Variants in PRAG1 observed in about 807,000 individuals in gnomAD.
PRAG1 encodes inactive tyrosine-protein kinase PRAG1.
A neutral mutation model predicts 95.6 loss-of-function variants in PRAG1; 110 were observed. That is an observed-to-expected ratio of 1.15 (90% confidence interval 0.99 to 1.35). The LOEUF is 1.35. PRAG1 is among the 40% of genes most tolerant of loss of function. The pLI is 0.00. For synonymous variants in PRAG1, 1,052 were observed against 819.4 expected (o/e 1.28, Z -4.85); for missense variants, 2,554 against 1,864.7 (o/e 1.37, Z -6.81).
At chr8:8,335,090 T>C (rs552262576) in intron 4 of PRAG1, among the ~76,000 whole-genome samples, 1 of 151,962 alleles carries the variant, frequency 6.6e-6, no homozygotes, top group African/African-American at 2.4e-5. Context: ...ACTTTTCAGA[T>C]GCTGTGATGG....
Position 8,327,594 on chromosome 8 carries a change from G to A in PRAG1, c.3072+116C>T, listed in dbSNP as rs1798671461. 4 of 1,185,490 alleles carry A rather than the reference G, an allele frequency of 3.4e-6. No homozygotes were observed. The South Asian group carries it at 6.9e-5, about 20-fold the overall frequency. The allele number at this position is 1,185,490 out of a possible 1,614,324, so 73.4% of individuals were successfully genotyped here. ...TTACAAGAAAAAAAAGAATGCTTAGGAATCAACTCCCCTCCTAATGCCCAG... is the reference window on the plus strand; with the variant it reads ...TTACAAGAAAAAAAAGAATGCTTAGAAATCAACTCCCCTCCTAATGCCCAG... On this transcript the variant is annotated intron_variant, in intron 5 of 5. Transcript: ENST00000615670.
intron 3 of PRAG1, among the ~76,000 whole-genome samples, chr8:8,356,927 G>A (rs1044554157): frequency 3.9e-5 from 6 of 152,132 alleles, no homozygotes; most frequent in African/African-American, 9.7e-5. Flanking sequence ...ACCATTCAAC[G>A]TGGAAATGAC....
chr8:8,362,769 T>A (rs2116895124), intron 3 of PRAG1, among the ~76,000 whole-genome samples: 1 of 152,330 alleles, frequency 6.6e-6, no homozygotes, highest in Admixed American at 6.5e-5. Flanking sequence ...ATTTATCCCT[T>A]ACATGTAAAG....
chr8:8,344,873 A>T (rs1307864627), intron 3 of PRAG1, among the ~76,000 whole-genome samples: 1 of 152,108 alleles, frequency 6.6e-6, no homozygotes, highest in East Asian at 1.9e-4. Context: ...ACCACAGAGC[A>T]CCCCTGTGGC....
In PRAG1 at chr8:8,381,440, T is replaced by C. The variant is rs374661279; in HGVS notation, c.308A>G (p.Asn103Ser). The change falls in exon 2 of 6, where the codon AAC becomes AGC. Residue 103 changes from asparagine (N) to serine (S), a missense_variant. Asn to Ser is a conservative substitution (Grantham distance 46). Transcript: ENST00000615670. ...CACCTGCGAGACTTCGGCACTCAGG[T>C]TGGCCTCTGTCCACACATCAGAGGC... Reference protein sequence around the residue: ...SEASDVWTEANLSAEVSQVIW... With the variant: ...SEASDVWTEASLSAEVSQVIW... 6.8e-6 allele frequency: 11 copies of C among 1,610,112 alleles called. No homozygotes were observed. The highest frequency in any genetic ancestry group is 9.3e-6 in the Non-Finnish European group (11 of 1,176,696).
At chr8:8,326,328 G>A (rs1360917610) in intron 5 of PRAG1, among the ~76,000 whole-genome samples, 1 of 150,966 alleles carries the variant, frequency 6.6e-6, no homozygotes, top group East Asian at 1.9e-4. Flanking sequence ...AAAAATTGTT[G>A]GTAAGCAAGC....
intron 3 of PRAG1, among the ~76,000 whole-genome samples, chr8:8,358,760 G>A (rs1454662298): frequency 6.6e-6 from 1 of 152,218 alleles, no homozygotes; most frequent in Non-Finnish European, 1.5e-5. Flanking sequence ...TCCCTTATGG[G>A]TGAAGTCCCT....
chr8:8,328,776 GCACACACACACA>G, intron 4 of PRAG1, among the ~76,000 whole-genome samples: 1 of 149,510 alleles, frequency 6.7e-6, no homozygotes, highest in South Asian at 2.1e-4. Flanking sequence ...GCACGCGTGC[GCACACACACACA>G]CACACACACA....
chr8:8,322,703 G>T (rs1023869899), intron 5 of PRAG1, among the ~76,000 whole-genome samples: 1 of 152,162 alleles, frequency 6.6e-6, no homozygotes, highest in Admixed American at 6.5e-5. Context: ...GGCTTCGTCT[G>T]CATGATAAAG....
intron 3 of PRAG1, among the ~76,000 whole-genome samples, chr8:8,372,081 TTC>T (rs1319181512): frequency 1.3e-5 from 2 of 152,238 alleles, no homozygotes; most frequent in African/African-American, 4.8e-5. Context: ...AACCAGATGA[TTC>T]TCTTTCAGCT....
intron 3 of PRAG1, among the ~76,000 whole-genome samples, chr8:8,355,075 A>C (rs1799641787): frequency 7.0e-6 from 1 of 143,460 alleles, no homozygotes; most frequent in African/African-American, 2.6e-5. Flanking sequence ...GTAAAGTTGC[A>C]GGATAGAAGA....
At chr8:8,341,314 A>C (rs560473325) in intron 3 of PRAG1, among the ~76,000 whole-genome samples, 1 of 152,214 alleles carries the variant, frequency 6.6e-6, no homozygotes, top group Non-Finnish European at 1.5e-5. Flanking sequence ...ATGAGCATAT[A>C]TATATATTCA....
intron 4 of PRAG1, among the ~76,000 whole-genome samples, chr8:8,334,216 G>A (rs995406404): frequency 1.3e-5 from 2 of 152,166 alleles, no homozygotes; most frequent in African/African-American, 4.8e-5. Flanking sequence ...AGCTGAGGCA[G>A]GCGGATCACC....
intron 2 of PRAG1, among the ~76,000 whole-genome samples, chr8:8,378,944 G>A (rs1470644579): frequency 2.6e-5 from 4 of 152,070 alleles, no homozygotes; most frequent in Non-Finnish European, 5.9e-5. Context: ...AGGAGGGTGA[G>A]GGGTGGTTTC....
intron 3 of PRAG1, among the ~76,000 whole-genome samples, chr8:8,342,022 T>G (rs1045438440): frequency 6.6e-6 from 1 of 151,844 alleles, no homozygotes; most frequent in Non-Finnish European, 1.5e-5. Flanking sequence ...TCCCAGCTAC[T>G]TGGGAGACTG....
chr8:8,377,974 G>A lies in PRAG1; in HGVS notation c.435C>T (p.Pro145=), dbSNP rs748991368. 3.4e-5 allele frequency: 55 copies of A among 1,613,262 alleles called. No homozygotes were observed. The highest frequency in any genetic ancestry group is 1.6e-4 in the Middle Eastern group (1 of 6,082). ...SFRGVQKPAG[P]STSPDGNSRC... is the part of the protein sequence containing the mutation. ...GAGAATTGCCATCAGGGGAGGTAGAGGGACCAGCAGGCTTCTGTACACCTC... is the reference window on the plus strand; with the variant it reads ...GAGAATTGCCATCAGGGGAGGTAGAAGGACCAGCAGGCTTCTGTACACCTC... Residue 145 remains proline, a synonymous_variant, in exon 3 of 6, where the codon CCC becomes CCT. Transcript: ENST00000615670.
intron 1 of PRAG1, among the ~76,000 whole-genome samples, chr8:8,383,121 T>C (rs911575867): frequency 6.6e-6 from 1 of 152,320 alleles, no homozygotes; most frequent in Admixed American, 6.5e-5. Flanking sequence ...ATCTCTAAAC[T>C]GTCAACAGGA....
chr8:8,319,443 A>G (rs1798404914), intron 5 of PRAG1, 141 bp from the exon 6 acceptor site: 1 of 545,812 alleles, frequency 1.8e-6, no homozygotes, highest in Non-Finnish European at 2.8e-6. Context: ...CACATGCTAG[A>G]AGAAAACATG....
At chr8:8,363,160 CAA>C (rs1799898464) in intron 3 of PRAG1, among the ~76,000 whole-genome samples, 1 of 150,394 alleles carries the variant, frequency 6.6e-6, no homozygotes, top group African/African-American at 2.4e-5. Context: ...TAAGGTTTAA[CAA>C]AGAGTTATTG....
Sources: allele counts gnomAD v4.1 joint callset (sites outside exome capture counted in the v4.1 genomes callset), GRCh38; gene constraint gnomAD v4.1.1; transcripts MANE v1.5; gene names NCBI Gene and HGNC (gene_info 2026-07-23, HGNC 2026-07-21).